Variants in TBC1D9 observed in about 807,000 individuals in gnomAD.
The protein encoded by TBC1D9 is TBC1 domain family member 9.
TBC1D9 carries 63 observed loss-of-function variants against 132.0 expected under a neutral mutation model. The ratio of observed to expected loss-of-function variants is 0.48; its 90% CI spans 0.39 to 0.59. TBC1D9 has a LOEUF of 0.59. TBC1D9 is among the 20% of genes least tolerant of loss of function. The pLI, the probability that TBC1D9 is intolerant of heterozygous loss-of-function variation, is 0.00. For synonymous variants in TBC1D9, 610 were observed against 609.9 expected (o/e 1.00, Z 0.00); for missense variants, 1,261 against 1,592.7 (o/e 0.79, Z 3.54).
At chr4:140,691,190 A>C (rs1022855861) in intron 2 of TBC1D9, among the ~76,000 whole-genome samples, 1 of 152,178 alleles carries the variant, frequency 6.6e-6, no homozygotes, top group African/African-American at 2.4e-5. Context: ...ATACTTCTGG[A>C]AGCAGGTGGC....
Position 140,657,220 on chromosome 4 carries a change from T to A in TBC1D9, c.2214A>T (p.Leu738Phe). The A allele has an allele frequency of 1.2e-6, 2 of 1,613,238 alleles. No homozygotes were observed. The highest frequency in any genetic ancestry group is 1.7e-6 in the Non-Finnish European group (2 of 1,179,688). The part of the protein sequence containing the change: ...GEAMTVLGRY[L>F]DSVTNKDSTL... ...TGCTGTCTTTATTGGTCACACTGTC[T>A]AAATACCTGGAAGAAGAATGCATCA... The change falls in exon 13 of 21, where the codon TTA (leucine) becomes TTT (phenylalanine). Residue 738 changes from leucine to phenylalanine, a missense_variant. Around this residue, in one of 3 missense-constraint regions of TBC1D9, gnomAD observed 618 missense variants for 724.4 expected, o/e 0.85. Transcript: ENST00000442267.
At chr4:140,628,429 G>T in intron 16 of TBC1D9, 64 bp from the exon 17 acceptor site, 1 of 1,439,382 alleles carries the variant, frequency 6.9e-7, no homozygotes. Flanking sequence ...CAGGCCTAGT[G>T]TTCCTCTAAA....
chr4:140,630,595 C>T (rs1736779582), intron 16 of TBC1D9, among the ~76,000 whole-genome samples: 2 of 152,150 alleles, frequency 1.3e-5, no homozygotes, highest in South Asian at 4.1e-4. Flanking sequence ...TCAGAATAAA[C>T]CTGGTTTTCT....
chr4:140,641,111 A>C (rs1214686600), intron 13 of TBC1D9, among the ~76,000 whole-genome samples: 1 of 149,144 alleles, frequency 6.7e-6, no homozygotes, highest in East Asian at 1.9e-4. Context: ...AAAACAAAAA[A>C]AAACAGAAGC....
chr4:140,642,316 C>A (rs1192357351), intron 13 of TBC1D9: 2 of 766,358 alleles, frequency 2.6e-6, no homozygotes, highest in Non-Finnish European at 4.5e-6. Context: ...TGGCCTCTGG[C>A]CTTGAACCCC....
intron 1 of TBC1D9, among the ~76,000 whole-genome samples, chr4:140,726,672 A>G (rs1738506474): frequency 6.6e-6 from 1 of 152,224 alleles, no homozygotes; most frequent in Non-Finnish European, 1.5e-5. Flanking sequence ...AGTCTGAAAT[A>G]ACCACATTTA....
At chr4:140,709,288 A>ACACACC (rs1491197983) in intron 1 of TBC1D9, among the ~76,000 whole-genome samples, 4 of 136,234 alleles carry the variant, frequency 2.9e-5, no homozygotes, top group Admixed American at 7.4e-5. Flanking sequence ...ACACACACAC[A>ACACACC]CCCCAATTCA....
chr4:140,721,847 T>C (rs1389026956), intron 1 of TBC1D9, among the ~76,000 whole-genome samples: 1 of 152,202 alleles, frequency 6.6e-6, no homozygotes, highest in Non-Finnish European at 1.5e-5. Context: ...TCTTGATAAC[T>C]TGCCCAACAC....
intron 11 of TBC1D9, 122 bp from the exon 12 acceptor site, chr4:140,657,934 T>C (rs1169209837): frequency 8.7e-6 from 10 of 1,144,396 alleles, no homozygotes; most frequent in Non-Finnish European, 1.2e-5. Context: ...ACTGTTCTGC[T>C]GTGACTGTTA....
At chr4:140,735,393 T>C (rs1485315121) in intron 1 of TBC1D9, among the ~76,000 whole-genome samples, 4 of 152,160 alleles carry the variant, frequency 2.6e-5, no homozygotes, top group African/African-American at 9.7e-5. Flanking sequence ...ACATCAGAAA[T>C]AAAAATCTGC....
chr4:140,642,945 T>C, intron 13 of TBC1D9: 1 of 623,604 alleles, frequency 1.6e-6, no homozygotes, highest in East Asian at 2.8e-5. Context: ...CAGCTCATGC[T>C]GCTTCTCCTT....
chr4:140,666,460 C>T lies in TBC1D9; in HGVS notation c.1588+2457G>A, dbSNP rs112568900. On this transcript the variant is annotated intron_variant, in intron 9 of 20. Transcript: ENST00000442267. ...ACGCCATTCTCCTGCCTCAGCCTCC[C>T]GAGTAGCTGGGACTACAGGCGCCCG... Among the ~76,000 whole-genome samples the T allele has an allele frequency of 4.4e-3, 663 of 152,222 alleles. 4 individuals are homozygous for T. The highest frequency in any genetic ancestry group is 5.8e-3 in the Admixed American group (89 of 15,294).
intron 1 of TBC1D9, among the ~76,000 whole-genome samples, chr4:140,736,586 C>T (rs1002538442): frequency 6.6e-6 from 1 of 151,876 alleles, no homozygotes; most frequent in Admixed American, 6.6e-5. Context: ...CAAATGGCAT[C>T]CTCTTCCTAA....
At position 140,661,998 on chromosome 4, in the gene TBC1D9, G is replaced by A. The variant is rs1315605005; in HGVS notation, c.1698C>T (p.Arg566=). Residue 566 remains arginine, a synonymous_variant, in exon 10 of 21, where the codon CGC becomes CGT. Coordinates refer to ENST00000442267, the MANE Select transcript of TBC1D9 (RefSeq NM_015130.3). Reference sequence around the variant, plus strand: ...GAAAAGCTGGGTGTTCTGGAAGGGAGCGGTGTAAATCCCTCTCAATCTCCT... The same window carrying A: ...GAAAAGCTGGGTGTTCTGGAAGGGAACGGTGTAAATCCCTCTCAATCTCCT... ...ATEEIERDLH[R]SLPEHPAFQN... 3 of 1,613,782 alleles carry A rather than the reference G, an allele frequency of 1.9e-6. No homozygotes were observed. In the Admixed American group the frequency reaches 5.0e-5, roughly 27 times the overall value.
intron 1 of TBC1D9, among the ~76,000 whole-genome samples, chr4:140,715,331 C>A (rs1252514548): frequency 1.3e-5 from 2 of 152,180 alleles, no homozygotes; most frequent in Admixed American, 1.3e-4. Context: ...GGGGTCCAAT[C>A]AATCAGTTGG....
chr4:140,669,050 T>G lies in TBC1D9; in HGVS notation c.1455A>C (p.Lys485Asn). ...FNPKLAKEFL[K>N]EQAWKIHFAE... is the part of the protein sequence containing the mutation. ...CAAAGTGAATCTTCCAGGCTTGCTC[T>G]TTCAGAAACTCTTTGGCCTGAAAGG... Residue 485 changes from lysine to asparagine, a missense_variant, in exon 9 of 21, where the codon AAA (lysine) becomes AAC (asparagine). Lys to Asn is a moderately conservative substitution (Grantham distance 94). Around this residue, in one of 3 missense-constraint regions of TBC1D9, gnomAD observed 550 missense variants for 699.0 expected, o/e 0.79. Transcript: ENST00000442267. 1 of 1,614,024 alleles carries G rather than the reference T, an allele frequency of 6.2e-7. No individual in the cohort carries two copies. Among genetic ancestry groups the G allele is most frequent in the Non-Finnish European group, 8.5e-7 (1 of 1,179,888 alleles).
chr4:140,682,238 A>G (rs1323461274), intron 3 of TBC1D9, among the ~76,000 whole-genome samples: 1 of 152,192 alleles, frequency 6.6e-6, no homozygotes, highest in Non-Finnish European at 1.5e-5. Context: ...ATGGATAGCA[A>G]TAGAAGTAGC....
chr4:140,680,212 T>C (rs1204748508), intron 3 of TBC1D9, among the ~76,000 whole-genome samples: 5 of 152,124 alleles, frequency 3.3e-5, no homozygotes, highest in African/African-American at 1.2e-4. Context: ...CCAAGATTAA[T>C]AAAAATTCAT....
intron 18 of TBC1D9, 124 bp from the exon 19 acceptor site, chr4:140,624,512 CA>C (rs11307081): frequency 0.17 from 119,922 of 689,102 alleles, 12,701 homozygotes; most frequent in African/African-American, 0.45. Flanking sequence ...AACAAACAAA[CA>C]AAAAAAAACT....
Sources: gnomAD v4.1 joint callset for allele counts (sites outside exome capture counted in the v4.1 genomes callset) on GRCh38, gnomAD v4.1.1 for gene constraint, gnomAD v4.1.1 regional missense constraint, MANE v1.5 for transcripts, NCBI Gene and HGNC (gene_info 2026-07-23, HGNC 2026-07-21) for gene names.